ADCY8: variants seen among roughly 807,000 people sequenced by gnomAD.
ADCY8 encodes adenylate cyclase 8.
In ADCY8, 51 loss-of-function variants were observed where a neutral mutation model predicts 119.7. The observed-to-expected ratio is 0.43, with a 90% CI of 0.34 to 0.54. ADCY8 has a LOEUF of 0.54. Among genes scored for constraint, ADCY8 ranks in the 20% least tolerant of loss-of-function variants. The probability of loss-of-function intolerance (pLI) is 0.03; values close to 1 mark genes in which losing one functional copy is unlikely to be tolerated. For synonymous variants in ADCY8, 665 were observed against 651.0 expected (o/e 1.02, Z -0.33); for missense variants, 1,383 against 1,598.8 (o/e 0.87, Z 2.30).
At chr8:131,030,198 G>A (rs1204824307) in intron 1 of ADCY8, among the ~76,000 whole-genome samples, 1 of 152,142 alleles carries the variant, frequency 6.6e-6, no homozygotes, top group African/African-American at 2.4e-5. Flanking sequence ...TCAGTTTTCA[G>A]CTGGAGTCAC....
At chr8:130,944,160 T>G (rs1458222664) in intron 3 of ADCY8, among the ~76,000 whole-genome samples, 4 of 152,186 alleles carry the variant, frequency 2.6e-5, no homozygotes, top group Non-Finnish European at 5.9e-5. Flanking sequence ...GCAAGCATAG[T>G]TCTCTCCATT....
At position 131,039,392 on chromosome 8, in the gene ADCY8, C is replaced by A; in HGVS notation, c.942G>T (p.Ala314=). The change falls in exon 1 of 18, where the codon GCG becomes GCT. Residue 314 remains alanine, a synonymous_variant. Coordinates refer to ENST00000286355, the MANE Select transcript of ADCY8 (RefSeq NM_001115.3). Reference sequence around the variant, plus strand: ...GAGTTACCTGGTTGATGGAAATGACCGCCAGCCGGGGTATGACCACTTGGA... The same window carrying A: ...GAGTTACCTGGTTGATGGAAATGACAGCCAGCCGGGGTATGACCACTTGGA... ...VILQVVIPRL[A]VISINQVVAQ... is the part of the protein sequence containing the mutation. 6.2e-7 allele frequency: 1 copy of A among 1,612,854 alleles called. No homozygotes were observed. The highest frequency in any genetic ancestry group is 8.5e-7 in the Non-Finnish European group (1 of 1,178,982).
intron 7 of ADCY8, among the ~76,000 whole-genome samples, chr8:130,899,972 T>G (rs1819541836): frequency 6.6e-6 from 1 of 152,220 alleles, no homozygotes; most frequent in Non-Finnish European, 1.5e-5. Context: ...TTTTAAATCT[T>G]AAGTTCCAAT....
At chr8:130,893,351 A>T (rs1251646529) in intron 7 of ADCY8, among the ~76,000 whole-genome samples, 1 of 152,174 alleles carries the variant, frequency 6.6e-6, no homozygotes, top group African/African-American at 2.4e-5. Context: ...TTCTGCCAGG[A>T]TTCACATGGG....
At chr8:131,019,454 T>C (rs938631852) in intron 1 of ADCY8, among the ~76,000 whole-genome samples, 4 of 152,204 alleles carry the variant, frequency 2.6e-5, no homozygotes, top group South Asian at 4.1e-4. Flanking sequence ...CTTGATATGA[T>C]TCCTGTTAAG....
At chr8:130,877,923 C>T (rs760964992) in intron 8 of ADCY8, among the ~76,000 whole-genome samples, 1 of 151,996 alleles carries the variant, frequency 6.6e-6, no homozygotes, top group Non-Finnish European at 1.5e-5. Flanking sequence ...GGATACAAGA[C>T]GCATTAAGAT....
At chr8:130,902,038 C>G (rs1819620100) in intron 7 of ADCY8, among the ~76,000 whole-genome samples, 1 of 152,154 alleles carries the variant, frequency 6.6e-6, no homozygotes, top group Non-Finnish European at 1.5e-5. Flanking sequence ...CTTCTTGGCT[C>G]TCAGTTATTA....
intron 5 of ADCY8, among the ~76,000 whole-genome samples, chr8:130,934,147 G>C (rs891584204): frequency 1.3e-5 from 2 of 152,154 alleles, no homozygotes; most frequent in African/African-American, 2.4e-5. Context: ...CACCTAATTA[G>C]TTGTAGAGAT....
intron 9 of ADCY8, among the ~76,000 whole-genome samples, chr8:130,861,001 C>G (rs1193855402): frequency 6.6e-6 from 1 of 152,186 alleles, no homozygotes; most frequent in East Asian, 1.9e-4. Flanking sequence ...AACATCTTTG[C>G]TACAAATCAA....
chr8:130,801,991 C>T (rs961747212), intron 14 of ADCY8, among the ~76,000 whole-genome samples: 2 of 137,536 alleles, frequency 1.5e-5, no homozygotes, highest in Admixed American at 1.6e-4. Flanking sequence ...CTCAACTTTA[C>T]ACACTTACCT....
chr8:130,916,314 G>C (rs761239733), intron 5 of ADCY8, among the ~76,000 whole-genome samples: 3 of 152,184 alleles, frequency 2.0e-5, no homozygotes, highest in Non-Finnish European at 4.4e-5. Context: ...CCTTCTTATA[G>C]ATCTGAGTTT....
chr8:130,908,033 T>A (rs1049763334), intron 6 of ADCY8, among the ~76,000 whole-genome samples: 10 of 152,204 alleles, frequency 6.6e-5, no homozygotes, highest in African/African-American at 2.4e-4. Flanking sequence ...TTAAGATAAT[T>A]TCTTTCAGCT....
At chr8:130,973,098 CTATCTACAG>C (rs990032379) in intron 2 of ADCY8, among the ~76,000 whole-genome samples, 5 of 152,228 alleles carry the variant, frequency 3.3e-5, no homozygotes, top group African/African-American at 1.2e-4. Flanking sequence ...CAAGTCACAA[CTATCTACAG>C]TATCTACAAT....
intron 1 of ADCY8, among the ~76,000 whole-genome samples, chr8:130,991,158 C>T (rs71522599): frequency 0.029 from 4,462 of 152,196 alleles, 89 homozygotes; most frequent in Non-Finnish European, 0.041. Context: ...TTTCATTTGC[C>T]CCCCTTCTAA....
At chr8:131,024,092 A>T (rs1298760661) in intron 1 of ADCY8, among the ~76,000 whole-genome samples, 3 of 152,060 alleles carry the variant, frequency 2.0e-5, no homozygotes, top group Non-Finnish European at 4.4e-5. Flanking sequence ...CTAGTGTGCA[A>T]TGCTCATTAT....
intron 14 of ADCY8, among the ~76,000 whole-genome samples, chr8:130,813,694 T>G (rs1347154278): frequency 6.6e-6 from 1 of 152,226 alleles, no homozygotes; most frequent in Non-Finnish European, 1.5e-5. Context: ...CTTCTAGATA[T>G]ACAAATATGT....
intron 14 of ADCY8, among the ~76,000 whole-genome samples, chr8:130,812,839 C>T (rs1191416272): frequency 6.6e-6 from 1 of 151,924 alleles, no homozygotes; most frequent in Non-Finnish European, 1.5e-5. Context: ...TAAATATACA[C>T]ACATGTATCA....
At chr8:130,926,740 A>G (rs7010765) in intron 5 of ADCY8, among the ~76,000 whole-genome samples, 6,343 of 151,970 alleles carry the variant, frequency 0.042, 415 homozygotes, top group African/African-American at 0.14. Flanking sequence ...CTCCTCAACC[A>G]CACTCCAACC....
intron 1 of ADCY8, among the ~76,000 whole-genome samples, chr8:131,032,949 C>T (rs1824040252): frequency 6.6e-6 from 1 of 152,156 alleles, no homozygotes; most frequent in African/African-American, 2.4e-5. Context: ...ACCTATGTAT[C>T]ACAGAAATTT....
Sources: allele counts gnomAD v4.1 joint callset (sites outside exome capture counted in the v4.1 genomes callset), GRCh38; gene constraint gnomAD v4.1.1; transcripts MANE v1.5; gene names NCBI Gene and HGNC (gene_info 2026-07-23, HGNC 2026-07-21).